Variants in TLK2 observed in about 807,000 individuals in gnomAD.
The protein encoded by TLK2 is tousled like kinase 2.
A neutral mutation model predicts 117.3 loss-of-function variants in TLK2; 6 were observed. The observed-to-expected ratio is 0.05, with a 90% confidence interval of 0.03 to 0.10. The LOEUF (loss-of-function observed/expected upper bound fraction) is 0.10, where lower values mean the gene tolerates loss of function less well. Among genes scored for constraint, TLK2 ranks in the 10% least tolerant of loss-of-function variants. The pLI is 1.00. For synonymous variants in TLK2, 257 were observed against 316.7 expected (o/e 0.81, Z 2.00); for missense variants, 299 against 901.2 (o/e 0.33, Z 8.56).
At chr17:62,567,659 A>T (rs1461864012) in intron 11 of TLK2, among the ~76,000 whole-genome samples, 2 of 152,356 alleles carry the variant, frequency 1.3e-5, no homozygotes, top group South Asian at 4.1e-4. Context: ...TGCACATGAG[A>T]AACTCCAAGA....
intron 17 of TLK2, among the ~76,000 whole-genome samples, chr17:62,599,877 T>C (rs891801236): frequency 2.0e-5 from 3 of 152,190 alleles, no homozygotes; most frequent in African/African-American, 7.2e-5. Context: ...TACTTCAGAG[T>C]ATAATGCCTT....
chr17:62,507,360 T>G (rs182479343), intron 2 of TLK2: 2 of 152,340 alleles, frequency 1.3e-5, no homozygotes, highest in Admixed American at 1.3e-4. Flanking sequence ...TTAACAGATT[T>G]CACATCTGTT....
At chr17:62,505,762 G>A (rs930287599) in intron 2 of TLK2, among the ~76,000 whole-genome samples, 10 of 152,124 alleles carry the variant, frequency 6.6e-5, no homozygotes, top group Admixed American at 3.3e-4. Flanking sequence ...TGCGATCAAG[G>A]CTGACTGCAA....
intron 2 of TLK2, among the ~76,000 whole-genome samples, chr17:62,502,573 C>A (rs968026960): frequency 2.0e-5 from 3 of 152,124 alleles, no homozygotes; most frequent in African/African-American, 7.2e-5. Context: ...AATAATCTTA[C>A]AGATTACAAA....
chr17:62,565,002 C>A lies in TLK2; in HGVS notation c.833C>A (p.Ser278Ter). The change falls in exon 11 of 22, where the codon TCA (serine) becomes TAA (stop). Residue 278 changes from serine (S) to a stop codon, truncating the protein, a stop_gained and splice_region_variant. Coordinates refer to ENST00000346027, the MANE Select transcript of TLK2 (RefSeq NM_006852.6). LOFTEE classifies it high-confidence loss of function. ...TMSKKLLIEKSKQEKMACRDK... is the reference protein window; with the variant it reads ...TMSKKLLIEK ...CTTTTTTTGTCTGTTTCCCCTAAGT[C>A]AAAACAAGAGAAGATGGCGTGTAGA... 1 of 1,603,762 alleles carries A rather than the reference C, an allele frequency of 6.2e-7. No homozygotes were observed. Among genetic ancestry groups the A allele is most frequent in the South Asian group, 1.1e-5 (1 of 88,314 alleles).
chr17:62,554,337 G>A (rs1387492383), intron 9 of TLK2, among the ~76,000 whole-genome samples: 1 of 152,210 alleles, frequency 6.6e-6, no homozygotes, highest in African/African-American at 2.4e-5. Context: ...CACTTTGGGA[G>A]GCCAAGGCAG....
At chr17:62,574,604 C>G (rs117105007) in intron 12 of TLK2, among the ~76,000 whole-genome samples, 19 of 151,980 alleles carry the variant, frequency 1.3e-4, no homozygotes, top group Non-Finnish European at 1.9e-4. Context: ...TGAAACCTGT[C>G]TTCTGGGTTC....
chr17:62,518,931 G>A (rs1035153342), intron 2 of TLK2, among the ~76,000 whole-genome samples: 1 of 152,166 alleles, frequency 6.6e-6, no homozygotes, highest in Non-Finnish European at 1.5e-5. Context: ...AGGCTGGAGT[G>A]CAATGTGCAG....
chr17:62,517,371 C>T (rs1473371431), intron 2 of TLK2, among the ~76,000 whole-genome samples: 2 of 152,032 alleles, frequency 1.3e-5, no homozygotes, highest in Non-Finnish European at 2.9e-5. Context: ...ATTACTATAG[C>T]TTTGTAATTT....
At chr17:62,607,986 T>G in intron 20 of TLK2, 55 bp from the exon 21 acceptor site, 3 of 1,460,778 alleles carry the variant, frequency 2.1e-6, no homozygotes, top group Non-Finnish European at 9.4e-7. Flanking sequence ...ATTGAATTGT[T>G]TTCTCTATAA....
At chr17:62,593,586 G>A (rs1048080047) in intron 16 of TLK2, among the ~76,000 whole-genome samples, 19 of 151,732 alleles carry the variant, frequency 1.3e-4, no homozygotes, top group Non-Finnish European at 2.4e-4. Flanking sequence ...CATTAGCCTA[G>A]GCTTGCACAG....
chr17:62,497,007 C>T (rs533316614), intron 2 of TLK2, among the ~76,000 whole-genome samples: 1 of 151,402 alleles, frequency 6.6e-6, no homozygotes, highest in East Asian at 1.9e-4. Flanking sequence ...TGGCGAGGCC[C>T]AGCATTTTGG....
At chr17:62,565,651 C>A (rs80007740) in intron 11 of TLK2, among the ~76,000 whole-genome samples, 767 of 100,822 alleles carry the variant, frequency 7.6e-3, no homozygotes, top group Middle Eastern at 0.011. Context: ...GACTCCATCT[C>A]AAAAAAAAAA....
intron 9 of TLK2, among the ~76,000 whole-genome samples, chr17:62,555,046 A>G (rs1345087211): frequency 6.6e-6 from 1 of 152,054 alleles, no homozygotes; most frequent in Non-Finnish European, 1.5e-5. Context: ...ACAAATGAAT[A>G]TATACATAAA....
At chr17:62,600,904 T>C in intron 18 of TLK2, 84 bp downstream of exon 18, 1 of 1,349,098 alleles carries the variant, frequency 7.4e-7, no homozygotes. Context: ...TTAGAGAATT[T>C]CACAGCAGCC....
At chr17:62,520,444 A>T (rs1323883223) in intron 2 of TLK2, among the ~76,000 whole-genome samples, 1 of 152,088 alleles carries the variant, frequency 6.6e-6, no homozygotes, top group Non-Finnish European at 1.5e-5. Context: ...TGGGAGGTCG[A>T]GACAGGCAGA....
chr17:62,552,960 G>A (rs1274439830), intron 8 of TLK2, among the ~76,000 whole-genome samples: 1 of 152,258 alleles, frequency 6.6e-6, no homozygotes, highest in South Asian at 2.1e-4. Flanking sequence ...TACCAACATG[G>A]TTTACTCCTT....
At chr17:62,538,038 T>G (rs1455857172) in intron 7 of TLK2, among the ~76,000 whole-genome samples, 2 of 143,086 alleles carry the variant, frequency 1.4e-5, no homozygotes, top group African/African-American at 2.6e-5. Flanking sequence ...TCTTTGTTTT[T>G]TTTTTTTTTT....
chr17:62,553,136 G>T (rs1013430915), intron 8 of TLK2, among the ~76,000 whole-genome samples: 2 of 152,102 alleles, frequency 1.3e-5, no homozygotes, highest in Non-Finnish European at 2.9e-5. Context: ...AGGATCGTTG[G>T]CAATCTAGGA....
Sources: allele counts gnomAD v4.1 joint callset (sites outside exome capture counted in the v4.1 genomes callset), GRCh38; gene constraint gnomAD v4.1.1; transcripts MANE v1.5; gene names NCBI Gene and HGNC (gene_info 2026-07-23, HGNC 2026-07-21).